The following ANKRD33B variants were observed in gnomAD, a reference collection of about 807,000 sequenced individuals.
The protein encoded by ANKRD33B is ankyrin repeat domain 33B.
Under a neutral mutation model 21.5 loss-of-function variants are expected in ANKRD33B, and 6 were observed. The ratio of observed to expected loss-of-function variants is 0.28; its 90% CI spans 0.15 to 0.55. The LOEUF (loss-of-function observed/expected upper bound fraction) is 0.55, where lower values mean the gene tolerates loss of function less well. ANKRD33B is among the 20% of genes least tolerant of loss of function. The probability of loss-of-function intolerance (pLI) is 0.94; values close to 1 mark genes in which losing one functional copy is unlikely to be tolerated. For missense variants in ANKRD33B, 698 were observed against 747.2 expected, an observed-to-expected ratio of 0.93 and a Z score of 0.77; for synonymous variants, 347 against 342.4, an observed-to-expected ratio of 1.01 and a Z score of -0.15.
chr5:10,631,321 A>T (rs920937504), intron 2 of ANKRD33B, among the ~76,000 whole-genome samples: 1 of 152,176 alleles, frequency 6.6e-6, no homozygotes, highest in Admixed American at 6.5e-5. Flanking sequence ...GAGGTTGATG[A>T]GAAACAGGAG....
At chr5:10,571,734 G>C (rs954833333) in intron 1 of ANKRD33B, among the ~76,000 whole-genome samples, 1 of 152,134 alleles carries the variant, frequency 6.6e-6, no homozygotes, top group African/African-American at 2.4e-5. Flanking sequence ...GATTTCTGAG[G>C]TGTTTGCACC....
rs1317454076 is a variant in ANKRD33B, at chr5:10,564,473, G to A, written c.6G>A (p.Val2=). The A allele has an allele frequency of 2.6e-5, 36 of 1,396,248 alleles. No homozygotes were observed. The highest frequency in any genetic ancestry group is 1.8e-4 in the South Asian group (12 of 68,538). The allele number at this position is 1,396,248 out of a possible 1,614,324, so 86.5% of individuals were successfully genotyped here. A position where few individuals can be genotyped will look rare whatever the true frequency, so the allele number is the denominator to read the frequency against. The change falls in exon 1 of 4, where the codon GTG becomes GTA. Residue 2 remains valine (V), a synonymous_variant. Transcript: ENST00000296657. ...CCCGCGCCCCGGCCGCCGGCATGGT[G>A]CTGCTGGCCGGGACCGGGCCGGAGG... M[V]LLAGTGPEGG... is the part of the protein sequence containing the mutation.
chr5:10,588,803 G>C (rs1485164243), intron 1 of ANKRD33B, among the ~76,000 whole-genome samples: 1 of 152,228 alleles, frequency 6.6e-6, no homozygotes, highest in African/African-American at 2.4e-5. Context: ...GGAAGCAGAC[G>C]TTTGTCGTAT....
chr5:10,625,135 GACTTT>G (rs1369623336), intron 2 of ANKRD33B: 3 of 209,402 alleles, frequency 1.4e-5, no homozygotes, highest in African/African-American at 6.9e-5. Context: ...ATGTGTTCAT[GACTTT>G]CCTGTGCTGT....
chr5:10,647,523 T>G (rs890306861), intron 3 of ANKRD33B, among the ~76,000 whole-genome samples: 4 of 152,200 alleles, frequency 2.6e-5, no homozygotes, highest in Admixed American at 1.3e-4. Context: ...TTCATCAAGT[T>G]GAGTTGAAGT....
chr5:10,615,230 A>T (rs1239476403), intron 1 of ANKRD33B, among the ~76,000 whole-genome samples: 2 of 152,244 alleles, frequency 1.3e-5, no homozygotes, highest in Non-Finnish European at 2.9e-5. Context: ...GGCAGATGCC[A>T]TCTGGGACCT....
chr5:10,626,730 G>A (rs760344151), intron 2 of ANKRD33B, among the ~76,000 whole-genome samples: 1 of 152,140 alleles, frequency 6.6e-6, no homozygotes, highest in Non-Finnish European at 1.5e-5. Flanking sequence ...CAAGGAAGAG[G>A]AGCAAATCCC....
intron 3 of ANKRD33B, among the ~76,000 whole-genome samples, chr5:10,644,148 A>G (rs565267534): frequency 6.6e-6 from 1 of 152,338 alleles, no homozygotes; most frequent in South Asian, 2.1e-4. Flanking sequence ...AGAAAAAAAT[A>G]AACCATTTAA....
At position 10,649,538 on chromosome 5, in the gene ANKRD33B, G is replaced by T; in HGVS notation, c.910G>T (p.Val304Phe). Residue 304 changes from valine (V) to phenylalanine (F), a missense_variant, in exon 4 of 4, where the codon GTC becomes TTC. This residue lies in a region of ANKRD33B where 543 missense variants were observed against 566.5 expected (regional missense o/e 0.96). Coordinates refer to ENST00000296657, the MANE Select transcript of ANKRD33B (RefSeq NM_001164440.2). ...CGTGCGGGGCCCGGAGGACGGGGGC[G>T]TCCTGGACCACATGGTCCGGATGAC... is the stretch of plus-strand genomic sequence containing the variant. ...RSVRGPEDGGVLDHMVRMTTS... is the reference protein window; with the variant it reads ...RSVRGPEDGGFLDHMVRMTTS... 6.5e-7 allele frequency: 1 copy of T among 1,531,646 alleles called. No homozygotes were observed. Among genetic ancestry groups the T allele is most frequent in the Non-Finnish European group, 8.7e-7 (1 of 1,144,756 alleles). 94.9% of individuals were successfully genotyped at this position (1,531,646 alleles called of 1,614,324 possible). A position where few individuals can be genotyped will look rare whatever the true frequency, so the allele number is the denominator to read the frequency against.
rs903086806 is a variant in ANKRD33B at position 10,656,121 on chromosome 5, A to G, written c.*6008A>G. ...TTGGAACTTGTTTATGCGCTGGTAT[A>G]ACTCGAGTCAGCTGCTTATTTCTGT... On this transcript the variant is annotated 3_prime_UTR_variant, in exon 4 of 4. Transcript: ENST00000296657. The G allele has an allele frequency of 1.3e-5, 2 of 152,306 alleles. No homozygotes were observed. The highest frequency in any genetic ancestry group is 2.4e-5 in the African/African-American group (1 of 41,440). The allele number at this position is 152,306 out of a possible 1,614,324, so 9.4% of individuals were successfully genotyped here.
chr5:10,580,792 G>A (rs1735428697), intron 1 of ANKRD33B, among the ~76,000 whole-genome samples: 1 of 152,118 alleles, frequency 6.6e-6, no homozygotes, highest in African/African-American at 2.4e-5. Flanking sequence ...CCCTGGACCA[G>A]GTCTTTTCAG....
chr5:10,647,485 A>G (rs772866068), intron 3 of ANKRD33B, among the ~76,000 whole-genome samples: 18 of 152,226 alleles, frequency 1.2e-4, no homozygotes, highest in Non-Finnish European at 2.4e-4. Flanking sequence ...ATTAATTTCT[A>G]TACTACAACA....
At chr5:10,643,645 G>A (rs558322941) in intron 3 of ANKRD33B, among the ~76,000 whole-genome samples, 50 of 151,372 alleles carry the variant, frequency 3.3e-4, no homozygotes, top group Middle Eastern at 3.4e-3. Flanking sequence ...GTGAAATCCC[G>A]CCTCTACTGA....
intron 1 of ANKRD33B, among the ~76,000 whole-genome samples, chr5:10,584,866 G>C (rs1735520712): frequency 6.6e-6 from 1 of 152,220 alleles, no homozygotes; most frequent in South Asian, 2.1e-4. Flanking sequence ...GCAGCACTGG[G>C]CTGGTGCTGA....
In ANKRD33B at chr5:10,639,232, CGTGGGGTT is replaced by C. The variant is rs1736961074; in HGVS notation, c.637+1066_637+1073del. Among the ~76,000 whole-genome samples, 6 of 30,854 alleles carry C rather than the reference CGTGGGGTT, an allele frequency of 1.9e-4. 1 individual carries two copies. Among genetic ancestry groups the C allele is most frequent in the African/African-American group, 3.0e-4 (3 of 10,068 alleles). 20.2% of individuals were successfully genotyped at this position (30,854 alleles called of 152,430 possible). On this transcript the variant is annotated intron_variant, in intron 3 of 3. Transcript: ENST00000296657. ...GTTGCGCGGCGATGTTAGCGGGTGA[CGTGGGGTT>C]GCGCGGCGATGTTAGGCGGTGACGT...
Position 10,657,254 on chromosome 5 carries a change from C to T in ANKRD33B, c.*7141C>T, listed in dbSNP as rs1306561295. 1 of 152,364 alleles carries T rather than the reference C, an allele frequency of 6.6e-6. No homozygotes were observed. The highest frequency in any genetic ancestry group is 6.5e-5 in the Admixed American group (1 of 15,286). 9.4% of individuals were successfully genotyped at this position (152,364 alleles called of 1,614,324 possible). ...ACCCCATTCAGATGAACATTAAAAG[C>T]CAATGTACTGGAATTCTCTTTGTTC... On this transcript the variant is annotated 3_prime_UTR_variant, in exon 4 of 4. Transcript: ENST00000296657.
intron 2 of ANKRD33B, among the ~76,000 whole-genome samples, chr5:10,629,236 T>A (rs1220737893): frequency 6.6e-6 from 1 of 152,190 alleles, no homozygotes; most frequent in Non-Finnish European, 1.5e-5. Flanking sequence ...TGTGGCCCCA[T>A]GGGGACGTGG....
Position 10,649,414 on chromosome 5 carries a change from G to A in ANKRD33B, c.786G>A (p.Glu262=), listed in dbSNP as rs768233112. 3 of 1,535,362 alleles carry A rather than the reference G, an allele frequency of 2.0e-6. No homozygotes were observed. The highest frequency in any genetic ancestry group is 1.2e-5 in the South Asian group (1 of 84,016). Residue 262 remains glutamate, a synonymous_variant, in exon 4 of 4, where the codon GAG becomes GAA. Transcript: ENST00000296657. ...PEQFWEKYRP[E]LPPPPEAARK... ...AGTTCTGGGAGAAGTACCGGCCCGAGCTGCCGCCGCCCCCTGAAGCGGCGC... is the reference window on the plus strand; with the variant it reads ...AGTTCTGGGAGAAGTACCGGCCCGAACTGCCGCCGCCCCCTGAAGCGGCGC...
In ANKRD33B at chr5:10,619,187, T is replaced by G. The variant is rs1020244292; in HGVS notation, c.496+725T>G. The G allele has an allele frequency of 6.2e-6, 3 of 482,266 alleles. No individual in the cohort carries two copies. In the African/African-American group the frequency reaches 6.3e-5, roughly 10 times the overall value. The allele number at this position is 482,266 out of a possible 1,614,324, so 29.9% of individuals were successfully genotyped here. A position where few individuals can be genotyped will look rare whatever the true frequency, so the allele number is the denominator to read the frequency against. The stretch of plus-strand genomic sequence containing the variant: ...GTTTATCACTGACCCCTTTCACATT[T>G]CTTTGCCTCCAAAGATTCTGTCTGT... On this transcript the variant is annotated intron_variant, in intron 2 of 3. Coordinates refer to ENST00000296657, the MANE Select transcript of ANKRD33B (RefSeq NM_001164440.2). This position sits in a 1 kb window ranked among gnomAD's most constrained non-coding sequence, Gnocchi z 4.5.
Sources: allele counts gnomAD v4.1 joint callset (sites outside exome capture counted in the v4.1 genomes callset), GRCh38; gene constraint gnomAD v4.1.1; regional missense constraint gnomAD v4.1.1; non-coding constraint Gnocchi (gnomAD v3.1); transcripts MANE v1.5; gene names NCBI Gene and HGNC (gene_info 2026-07-23, HGNC 2026-07-21).